Variants in WWTR1 observed in about 807,000 individuals in gnomAD.
WWTR1 encodes the protein WW domain containing transcription regulator 1.
A neutral mutation model predicts 40.1 loss-of-function variants in WWTR1; 13 were observed. The observed-to-expected ratio is 0.32, with a 90% CI of 0.21 to 0.52. The LOEUF (loss-of-function observed/expected upper bound fraction) is 0.52. WWTR1 is among the 20% of genes least tolerant of loss of function. WWTR1 has a pLI of 0.97. For missense variants in WWTR1, 436 were observed against 523.1 expected (o/e 0.83, Z 1.63); for synonymous variants, 230 against 210.1 (o/e 1.09, Z -0.82).
At chr3:149,538,842 A>T (rs573009870) in intron 4 of WWTR1, among the ~76,000 whole-genome samples, 5 of 152,336 alleles carry the variant, frequency 3.3e-5, no homozygotes, top group Non-Finnish European at 5.9e-5. Flanking sequence ...AACTTGGATT[A>T]AAGTTAATTA....
chr3:149,710,767 A>G (rs1715460653), intron 5 of WWTR1, among the ~76,000 whole-genome samples: 1 of 151,408 alleles, frequency 6.6e-6, no homozygotes. Flanking sequence ...TTTAGTAGAG[A>G]CGGGGTTTCA....
chr3:149,676,872 G>T (rs1714277721), intron 1 of WWTR1, among the ~76,000 whole-genome samples: 1 of 151,324 alleles, frequency 6.6e-6, no homozygotes. Context: ...AAATCCTGAA[G>T]TCTGTCACCA....
At chr3:149,581,203 C>G (rs1738142108) in intron 2 of WWTR1, among the ~76,000 whole-genome samples, 1 of 152,162 alleles carries the variant, frequency 6.6e-6, no homozygotes, top group African/African-American at 2.4e-5. Flanking sequence ...TTCTTCCATT[C>G]TGCCCAAATC....
chr3:149,719,195 G>A (rs1291662915), intron 4 of WWTR1, among the ~76,000 whole-genome samples: 1 of 149,620 alleles, frequency 6.7e-6, no homozygotes, highest in Non-Finnish European at 1.5e-5. Context: ...TTGAGACCGA[G>A]TCTCACTCTG....
intron 2 of WWTR1, among the ~76,000 whole-genome samples, chr3:149,601,343 G>A (rs563522547): frequency 4.6e-5 from 7 of 152,074 alleles, no homozygotes; most frequent in Non-Finnish European, 1.0e-4. Context: ...GGTGACACAG[G>A]TGAGCCCCCA....
chr3:149,642,414 G>GTC (rs766398154), intron 2 of WWTR1, among the ~76,000 whole-genome samples: 48 of 148,026 alleles, frequency 3.2e-4, no homozygotes, highest in Non-Finnish European at 5.9e-4. Context: ...GCAAAACTCT[G>GTC]TCACACACAC....
chr3:149,590,539 G>A (rs1480775268), intron 2 of WWTR1, among the ~76,000 whole-genome samples: 1 of 152,068 alleles, frequency 6.6e-6, no homozygotes, highest in Non-Finnish European at 1.5e-5. Context: ...CCAGCTACTC[G>A]AGAGGCTGAG....
At chr3:149,538,076 T>C (rs1735915601) in intron 4 of WWTR1, among the ~76,000 whole-genome samples, 1 of 152,102 alleles carries the variant, frequency 6.6e-6, no homozygotes, top group Admixed American at 6.5e-5. Flanking sequence ...CCCGCCATTA[T>C]GTCTGGCTAA....
At chr3:149,692,977 G>C (rs1233832375) in intron 1 of WWTR1, among the ~76,000 whole-genome samples, 2 of 152,138 alleles carry the variant, frequency 1.3e-5, no homozygotes, top group Non-Finnish European at 1.5e-5. Flanking sequence ...GGAAGTTCTA[G>C]CTAGAGCAAT....
chr3:149,564,515 A>G (rs1416114191), intron 3 of WWTR1, among the ~76,000 whole-genome samples: 1 of 143,084 alleles, frequency 7.0e-6, no homozygotes, highest in Non-Finnish European at 1.5e-5. Context: ...CCTTTTGGCT[A>G]TTACAAAAGT....
chr3:149,582,973 TA>T (rs1290649601), intron 2 of WWTR1, among the ~76,000 whole-genome samples: 3 of 152,184 alleles, frequency 2.0e-5, no homozygotes, highest in African/African-American at 7.2e-5. Context: ...TTATTACTCT[TA>T]TTTTTTTCTG....
chr3:149,640,832 AC>A (rs960889718), intron 2 of WWTR1, among the ~76,000 whole-genome samples: 1 of 152,200 alleles, frequency 6.6e-6, no homozygotes, highest in African/African-American at 2.4e-5. Flanking sequence ...AATAAAAAAA[AC>A]AATTCCTAAG....
chr3:149,595,176 G>A (rs565554212), intron 2 of WWTR1, among the ~76,000 whole-genome samples: 2 of 151,498 alleles, frequency 1.3e-5, no homozygotes, highest in Non-Finnish European at 2.9e-5. Context: ...TGCCCAGGAC[G>A]GTCTCAATCT....
At position 149,519,173 on chromosome 3, in the gene WWTR1, G is replaced by T. The variant is rs571438907; in HGVS notation, c.*1632C>A. 3 of 152,282 alleles carry T rather than the reference G, an allele frequency of 2.0e-5. No homozygotes were observed. In the South Asian group the frequency reaches 6.2e-4, roughly 32 times the overall value. 9.4% of individuals were successfully genotyped at this position (152,282 alleles called of 1,614,324 possible). A position where few individuals can be genotyped will look rare whatever the true frequency, so the allele number is the denominator to read the frequency against. On this transcript the variant is annotated 3_prime_UTR_variant, in exon 7 of 7. Transcript: ENST00000360632. ...GTTGAGGACTTCATTGGCAATGCAG[G>T]CAGACTGCATGCCAGTTGAACATGA...
chr3:149,607,023 ATAC>A (rs1345575753), intron 2 of WWTR1, among the ~76,000 whole-genome samples: 2 of 152,230 alleles, frequency 1.3e-5, no homozygotes, highest in African/African-American at 4.8e-5. Flanking sequence ...TACGGTTATA[ATAC>A]TACTATTACA....
chr3:149,586,939 A>C (rs1223186474), intron 2 of WWTR1, among the ~76,000 whole-genome samples: 1 of 152,230 alleles, frequency 6.6e-6, no homozygotes, highest in African/African-American at 2.4e-5. Context: ...GGAAGCTCCA[A>C]GTACCTTGTC....
intron 2 of WWTR1, among the ~76,000 whole-genome samples, chr3:149,636,791 CATTAGAGAAGT>C (rs1236777347): frequency 1.3e-5 from 2 of 151,652 alleles, no homozygotes; most frequent in Non-Finnish European, 2.9e-5. Flanking sequence ...TTGGGCCAGG[CATTAGAGAAGT>C]ATTATGCACA....
chr3:149,691,411 T>C (rs1386198927), intron 1 of WWTR1, among the ~76,000 whole-genome samples: 2 of 149,848 alleles, frequency 1.3e-5, no homozygotes, highest in Non-Finnish European at 3.0e-5. Flanking sequence ...TCAACAAACC[T>C]TTAGCCAGAC....
chr3:149,525,886 A>G (rs1735279896), intron 6 of WWTR1, 127 bp downstream of exon 6: 4 of 543,194 alleles, frequency 7.4e-6, no homozygotes, highest in Non-Finnish European at 1.2e-5. Flanking sequence ...CTGCACATGT[A>G]CCCCCAAATA....
Sources: allele counts gnomAD v4.1 joint callset (sites outside exome capture counted in the v4.1 genomes callset), GRCh38; gene constraint gnomAD v4.1.1; transcripts MANE v1.5; gene names NCBI Gene and HGNC (gene_info 2026-07-23, HGNC 2026-07-21).